KCNMA1: variants seen among roughly 807,000 people sequenced by gnomAD.
KCNMA1 encodes the protein potassium calcium-activated channel subfamily M alpha 1.
A neutral mutation model predicts 140.0 loss-of-function variants in KCNMA1; 29 were observed. The observed-to-expected ratio is 0.21, with a 90% CI of 0.15 to 0.28. The LOEUF (loss-of-function observed/expected upper bound fraction) is 0.28, where lower values mean the gene tolerates loss of function less well. KCNMA1 is among the 10% of genes least tolerant of loss of function. The pLI, the probability that KCNMA1 is intolerant of heterozygous loss-of-function variation, is 1.00. For missense variants in KCNMA1, 880 were observed against 1,602.2 expected (o/e 0.55, Z 7.70); for synonymous variants, 612 against 611.9 (o/e 1.00, Z 0.00).
chr10:77,280,754 C>T (rs564105006), intron 2 of KCNMA1, among the ~76,000 whole-genome samples: 39 of 151,034 alleles, frequency 2.6e-4, no homozygotes, highest in African/African-American at 9.0e-4. Flanking sequence ...GTCTCGAATT[C>T]CTGGGCTCAA....
At chr10:77,572,572 A>C (rs1394121617) in intron 1 of KCNMA1, among the ~76,000 whole-genome samples, 4 of 40,874 alleles carry the variant, frequency 9.8e-5, no homozygotes, top group African/African-American at 4.8e-4. Flanking sequence ...AAAAATCCAT[A>C]TATATATATA....
chr10:77,407,467 T>A (rs1684178435), intron 1 of KCNMA1, among the ~76,000 whole-genome samples: 1 of 152,200 alleles, frequency 6.6e-6, no homozygotes, highest in African/African-American at 2.4e-5. Context: ...TGCCAGCAAC[T>A]AAGAATTAAG....
intron 1 of KCNMA1, among the ~76,000 whole-genome samples, chr10:77,493,395 G>C (rs72807594): frequency 0.25 from 37,741 of 152,244 alleles, 4,935 homozygotes; most frequent in East Asian, 0.53. Context: ...CAAAGGTCAG[G>C]AATGTAGTAC....
chr10:77,072,282 C>T (rs2096243075), intron 14 of KCNMA1, among the ~76,000 whole-genome samples: 1 of 152,168 alleles, frequency 6.6e-6, no homozygotes, highest in Non-Finnish European at 1.5e-5. Context: ...CCTTGACTGC[C>T]TAATCTAAGA....
rs927370836 is a variant in KCNMA1, at chr10:77,581,549, C to T, written c.378+55716G>A. 7.2e-5 allele frequency among the ~76,000 whole-genome samples: 11 copies of T among 152,340 alleles called. 2 individuals are homozygous for T. Among genetic ancestry groups the T allele is most frequent in the Admixed American group, 3.9e-4 (6 of 15,310 alleles). On this transcript the variant is annotated intron_variant, in intron 1 of 27. Coordinates refer to ENST00000286628, the MANE Select transcript of KCNMA1 (RefSeq NM_001161352.2). ...CTCGATCTCCTGACCTAGTGATCCA[C>T]CCACCTCAGCCTCCCAAAGTGCTGG... is the stretch of plus-strand genomic sequence containing the variant.
chr10:77,299,255 T>C (rs1395876094), intron 2 of KCNMA1, among the ~76,000 whole-genome samples: 2 of 152,180 alleles, frequency 1.3e-5, no homozygotes, highest in Non-Finnish European at 2.9e-5. Flanking sequence ...AAACAAAACA[T>C]CATTCTAATG....
chr10:77,544,367 A>C (rs1251533410), intron 1 of KCNMA1, among the ~76,000 whole-genome samples: 1 of 152,322 alleles, frequency 6.6e-6, no homozygotes, highest in East Asian at 1.9e-4. Context: ...CTAAACTTGA[A>C]GAGCACGGCA....
chr10:77,223,112 C>T (rs1184647001), intron 3 of KCNMA1, among the ~76,000 whole-genome samples: 1 of 151,824 alleles, frequency 6.6e-6, no homozygotes, highest in Non-Finnish European at 1.5e-5. Context: ...ACCTGTAGTC[C>T]CAGCTACTCG....
chr10:77,123,100 T>A (rs976729683), intron 5 of KCNMA1, among the ~76,000 whole-genome samples: 1 of 139,294 alleles, frequency 7.2e-6, no homozygotes, highest in Non-Finnish European at 1.5e-5. Flanking sequence ...GAATGGCGTG[T>A]ACCCGGGAGG....
chr10:77,152,432 T>C (rs1310974295), intron 5 of KCNMA1, among the ~76,000 whole-genome samples: 1 of 151,856 alleles, frequency 6.6e-6, no homozygotes, highest in Admixed American at 6.6e-5. Flanking sequence ...GAAACACCAG[T>C]AAGGGAACAG....
chr10:76,990,386 A>C (rs2082391982), intron 19 of KCNMA1, among the ~76,000 whole-genome samples: 1 of 152,194 alleles, frequency 6.6e-6, no homozygotes, highest in Admixed American at 6.5e-5. Context: ...TGCCAACAAG[A>C]TCTCTCAGTT....
At chr10:76,884,765 A>T, downstream of KCNMA1, 1 of 555,556 alleles carries the variant, frequency 1.8e-6, no homozygotes, top group South Asian at 3.1e-5. Flanking sequence ...AGGAAGGAAG[A>T]GAAGAAGGAA....
intron 2 of KCNMA1, among the ~76,000 whole-genome samples, chr10:77,271,559 G>A (rs2065148286): frequency 6.6e-6 from 1 of 152,166 alleles, no homozygotes; most frequent in African/African-American, 2.4e-5. Flanking sequence ...ACCACAAAGA[G>A]GTGTAAGGAT....
At chr10:77,355,016 A>G (rs1242120925) in intron 2 of KCNMA1, among the ~76,000 whole-genome samples, 6 of 152,144 alleles carry the variant, frequency 3.9e-5, no homozygotes, top group Admixed American at 6.5e-5. Context: ...ATTCCCACGT[A>G]TTGTGGGAGG....
chr10:77,474,933 C>G (rs551445284), intron 1 of KCNMA1, among the ~76,000 whole-genome samples: 1 of 152,222 alleles, frequency 6.6e-6, no homozygotes, highest in Non-Finnish European at 1.5e-5. Context: ...CAATTTTGCC[C>G]CTGGGTAGCA....
intron 2 of KCNMA1, among the ~76,000 whole-genome samples, chr10:77,283,771 C>T (rs1388528749): frequency 6.6e-6 from 1 of 152,170 alleles, no homozygotes; most frequent in African/African-American, 2.4e-5. Flanking sequence ...GGGAACTTAA[C>T]AATGTCAGTT....
At chr10:77,301,795 T>C (rs1466271798) in intron 2 of KCNMA1, among the ~76,000 whole-genome samples, 2 of 150,076 alleles carry the variant, frequency 1.3e-5, no homozygotes, top group Non-Finnish European at 3.0e-5. Flanking sequence ...AAATTGGCAA[T>C]CCAGTGAGAA....
intron 1 of KCNMA1, among the ~76,000 whole-genome samples, chr10:77,616,087 C>A (rs939224929): frequency 1.3e-5 from 2 of 152,218 alleles, no homozygotes; most frequent in African/African-American, 4.8e-5. Context: ...GACTCAAACC[C>A]GCCTTTGACC....
intron 19 of KCNMA1, chr10:76,977,598 C>G: frequency 1.4e-6 from 1 of 702,956 alleles, no homozygotes; most frequent in South Asian, 1.5e-5. Flanking sequence ...TCACATTTCC[C>G]TTGCTTTCCA....
Sources: allele counts gnomAD v4.1 joint callset (sites outside exome capture counted in the v4.1 genomes callset), GRCh38; gene constraint gnomAD v4.1.1; transcripts MANE v1.5; gene names NCBI Gene and HGNC (gene_info 2026-07-23, HGNC 2026-07-21).